Variants in CREB3L2 observed in about 807,000 individuals in gnomAD.
CREB3L2 encodes the protein cAMP responsive element binding protein 3 like 2, also known as cyclic AMP-responsive element-binding protein 3-like protein 2.
In CREB3L2, 23 loss-of-function variants were observed where a neutral mutation model predicts 57.2. The ratio of observed to expected loss-of-function variants is 0.40; its 90% CI spans 0.29 to 0.57. The LOEUF is 0.57. CREB3L2 is among the 20% of genes least tolerant of loss of function. CREB3L2 has a pLI of 0.42. For synonymous variants in CREB3L2, 268 were observed against 265.1 expected (o/e 1.01, Z -0.11); for missense variants, 628 against 634.7 (o/e 0.99, Z 0.11).
At chr7:137,995,566 C>G (rs1389879636) in intron 1 of CREB3L2, among the ~76,000 whole-genome samples, 1 of 152,102 alleles carries the variant, frequency 6.6e-6, no homozygotes, top group Non-Finnish European at 1.5e-5. Context: ...AACTCCTGAC[C>G]TTGTGATCCA....
intron 1 of CREB3L2, among the ~76,000 whole-genome samples, chr7:137,995,765 T>C (rs556147316): frequency 6.6e-6 from 1 of 152,356 alleles, no homozygotes; most frequent in East Asian, 1.9e-4. Context: ...ATGCTATATC[T>C]TATAACTCCT....
At chr7:137,922,098 T>C (rs73152575) in intron 2 of CREB3L2, among the ~76,000 whole-genome samples, 2 of 151,982 alleles carry the variant, frequency 1.3e-5, no homozygotes, top group Non-Finnish European at 2.9e-5. Flanking sequence ...ATGAAAAGTG[T>C]TGATTTACTG....
chr7:137,967,504 C>G (rs1161194419), intron 1 of CREB3L2, among the ~76,000 whole-genome samples: 1 of 152,184 alleles, frequency 6.6e-6, no homozygotes, highest in Admixed American at 6.5e-5. Flanking sequence ...TCCCAGCCCT[C>G]CTCCCACAGT....
Position 137,880,643 on chromosome 7 carries a change from T to C in CREB3L2, c.1488-92A>G, listed in dbSNP as rs559135538. On this transcript the variant is annotated intron_variant, in intron 11 of 11. Coordinates refer to ENST00000330387, the MANE Select transcript of CREB3L2 (RefSeq NM_194071.4). The surrounding 1 kb of genome is among the most constrained non-coding windows in gnomAD (Gnocchi z 4.0). ...GTAGCGTGATGCAATCATTCAGGGG[T>C]TGCAACTTGGTGAGACGGCCTGGGC... is the stretch of plus-strand genomic sequence containing the variant. The C allele has an allele frequency of 2.8e-6, 3 of 1,056,422 alleles. No homozygotes were observed. Among genetic ancestry groups the C allele is most frequent in the African/African-American group, 3.1e-5 (2 of 64,106 alleles). 65.4% of individuals were successfully genotyped at this position (1,056,422 alleles called of 1,614,324 possible).
chr7:137,899,561 A>AG (rs138674822), intron 8 of CREB3L2, among the ~76,000 whole-genome samples: 152,281 of 152,308 alleles, frequency 1, 76,127 homozygotes, highest in Middle Eastern at 1. Context: ...CAATCCCCCC[A>AG]GGGAGAGGAA....
chr7:137,895,597 T>C (rs1308133279), intron 8 of CREB3L2, among the ~76,000 whole-genome samples: 5 of 128,228 alleles, frequency 3.9e-5, no homozygotes, highest in African/African-American at 1.6e-4. Context: ...GATCTTTTCA[T>C]CTAGAAATCA....
intron 8 of CREB3L2, among the ~76,000 whole-genome samples, chr7:137,893,606 G>C (rs1651557997): frequency 6.6e-6 from 1 of 151,978 alleles, no homozygotes; most frequent in South Asian, 2.1e-4. Flanking sequence ...CAGCTGTGTG[G>C]GCTAAACAAA....
intron 1 of CREB3L2, among the ~76,000 whole-genome samples, chr7:137,931,504 T>C (rs1343293502): frequency 7.9e-6 from 1 of 126,962 alleles, no homozygotes; most frequent in African/African-American, 3.1e-5. Context: ...TCTGGGTGAC[T>C]GAGCGAGACT....
chr7:137,922,370 CTATATATATATATGTATATATA>C (rs1387180444), intron 2 of CREB3L2, among the ~76,000 whole-genome samples: 2,906 of 100,544 alleles, frequency 0.029, 255 homozygotes, highest in African/African-American at 0.12. Flanking sequence ...TTCTGGTTTA[CTATATATATATATGTATATATA>C]TATATATATA....
intron 8 of CREB3L2, among the ~76,000 whole-genome samples, chr7:137,890,023 T>G (rs1179511173): frequency 6.6e-6 from 1 of 152,162 alleles, no homozygotes; most frequent in Non-Finnish European, 1.5e-5. Context: ...ATAAAGCATG[T>G]CTTAGTTAAG....
chr7:137,996,127 C>G (rs991050624), intron 1 of CREB3L2, among the ~76,000 whole-genome samples: 1 of 152,234 alleles, frequency 6.6e-6, no homozygotes, highest in African/African-American at 2.4e-5. Context: ...ACCTGGCTAT[C>G]GCCCTAGGTT....
intron 1 of CREB3L2, among the ~76,000 whole-genome samples, chr7:137,939,703 T>C (rs930845795): frequency 1.4e-4 from 22 of 152,194 alleles, no homozygotes; most frequent in Non-Finnish European, 2.9e-4. Context: ...TTGTCATCCA[T>C]AGTGGGGAAG....
intron 8 of CREB3L2, among the ~76,000 whole-genome samples, chr7:137,890,850 C>A (rs1385843850): frequency 2.0e-5 from 3 of 152,200 alleles, no homozygotes; most frequent in African/African-American, 7.2e-5. Flanking sequence ...GGAGAAAAGA[C>A]AGCCAGCAGA....
At chr7:137,976,844 G>A (rs946574172) in intron 1 of CREB3L2, among the ~76,000 whole-genome samples, 2 of 152,196 alleles carry the variant, frequency 1.3e-5, no homozygotes, top group African/African-American at 2.4e-5. Context: ...CATGAGCCCC[G>A]CCCAGAGACA....
At chr7:137,935,716 C>T (rs747120300) in intron 1 of CREB3L2, among the ~76,000 whole-genome samples, 10 of 152,012 alleles carry the variant, frequency 6.6e-5, no homozygotes, top group African/African-American at 9.7e-5. Context: ...AACATCCTAA[C>T]GAAATAGAAG....
At chr7:137,927,055 G>T (rs1800482000) in intron 2 of CREB3L2, among the ~76,000 whole-genome samples, 1 of 152,082 alleles carries the variant, frequency 6.6e-6, no homozygotes, top group Non-Finnish European at 1.5e-5. Flanking sequence ...AACTTGGGAG[G>T]CTGAGGCTGA....
Position 137,885,585 on chromosome 7 carries a change from G to A in CREB3L2, c.1044-83C>T, listed in dbSNP as rs191160875. On this transcript the variant is annotated intron_variant, in intron 8 of 11. Transcript: ENST00000330387. ...TCTCTCCATGTGACCCAAGAAGGCCGCCGTGCCTTTGTGCCTGCATTTCAA... is the reference window on the plus strand; with the variant it reads ...TCTCTCCATGTGACCCAAGAAGGCCACCGTGCCTTTGTGCCTGCATTTCAA... 2.9e-4 allele frequency: 324 copies of A among 1,103,946 alleles called. 1 individual carries two copies. The highest frequency in any genetic ancestry group is 2.8e-3 in the South Asian group (216 of 78,130). 68.4% of individuals were successfully genotyped at this position (1,103,946 alleles called of 1,614,324 possible). A position where few individuals can be genotyped will look rare whatever the true frequency, so the allele number is the denominator to read the frequency against.
intron 8 of CREB3L2, among the ~76,000 whole-genome samples, chr7:137,899,952 A>G (rs1478980008): frequency 1.3e-5 from 2 of 152,228 alleles, no homozygotes; most frequent in East Asian, 3.8e-4. Flanking sequence ...CTGGGCATTA[A>G]CACTGACCCT....
intron 1 of CREB3L2, among the ~76,000 whole-genome samples, chr7:137,942,871 T>C (rs1017450104): frequency 6.6e-6 from 1 of 152,200 alleles, no homozygotes; most frequent in Admixed American, 6.5e-5. Context: ...TCACAAAAGA[T>C]TATTTTCTGT....
Sources: gnomAD v4.1 joint callset for allele counts (sites outside exome capture counted in the v4.1 genomes callset) on GRCh38, gnomAD v4.1.1 for gene constraint, Gnocchi (gnomAD v3.1) non-coding constraint, MANE v1.5 for transcripts, NCBI Gene and HGNC (gene_info 2026-07-23, HGNC 2026-07-21) for gene names.